LYPLA1: variants seen among roughly 807,000 people sequenced by gnomAD.
The protein encoded by LYPLA1 is acyl-protein thioesterase 1.
LYPLA1 carries 17 observed loss-of-function variants against 34.0 expected under a neutral mutation model. The observed-to-expected ratio is 0.50, with a 90% CI of 0.34 to 0.75. The LOEUF is 0.75. Ranked by LOEUF, LYPLA1 falls within the 30% of genes least tolerant of loss-of-function variation. The pLI is 0.01. For missense variants in LYPLA1, 203 were observed against 288.8 expected, an observed-to-expected ratio of 0.70 and a Z score of 2.15; for synonymous variants, 98 against 100.8, an observed-to-expected ratio of 0.97 and a Z score of 0.17.
intron 2 of LYPLA1, among the ~76,000 whole-genome samples, chr8:54,095,059 C>G (rs1809580787): frequency 6.6e-6 from 1 of 150,762 alleles, no homozygotes; most frequent in African/African-American, 2.4e-5. Context: ...GAGACTGAGT[C>G]TCACTGTCGC....
chr8:54,070,870 TG>T (rs1807408814), intron 2 of LYPLA1, among the ~76,000 whole-genome samples: 1 of 152,090 alleles, frequency 6.6e-6, no homozygotes, highest in African/African-American at 2.4e-5. Flanking sequence ...AGAACACAAA[TG>T]AAAGAGTATA....
At chr8:54,084,142 A>ATT (rs1808526197) in intron 2 of LYPLA1, among the ~76,000 whole-genome samples, 10 of 93,874 alleles carry the variant, frequency 1.1e-4, no homozygotes, top group African/African-American at 4.2e-4. Context: ...AAATAAATAA[A>ATT]TATATATATA....
intron 2 of LYPLA1, among the ~76,000 whole-genome samples, chr8:54,083,635 G>A (rs1306796571): frequency 6.6e-6 from 1 of 152,192 alleles, no homozygotes; most frequent in African/African-American, 2.4e-5. Context: ...TAGACAACAT[G>A]TAAACAAAAG....
In LYPLA1 at chr8:54,052,397, G is replaced by GTGTC. The variant is rs528510944; in HGVS notation, c.462+254_462+257dup. ...AAGTGGAGGACTTGGTGATGGTGAT[G>GTGTC]TGTCAGTGCAGCATTACTGACTGCA... On this transcript the variant is annotated intron_variant, in intron 7 of 8. Transcript: ENST00000316963. Among the ~76,000 whole-genome samples, 1,304 of 152,230 alleles carry GTGTC rather than the reference G, an allele frequency of 8.6e-3. 8 individuals carry two copies. The highest frequency in any genetic ancestry group is 0.012 in the Non-Finnish European group (825 of 68,016).
intron 8 of LYPLA1, among the ~76,000 whole-genome samples, chr8:54,049,573 C>T (rs1805704938): frequency 6.6e-6 from 1 of 152,128 alleles, no homozygotes; most frequent in African/African-American, 2.4e-5. Flanking sequence ...CTGTCCTCTT[C>T]TATCTTGATT....
chr8:54,078,881 C>G (rs1359534084), intron 2 of LYPLA1, among the ~76,000 whole-genome samples: 4 of 144,136 alleles, frequency 2.8e-5, no homozygotes, highest in Admixed American at 2.7e-4. Context: ...TTCAACAACC[C>G]CCCCCCTTTT....
chr8:54,069,104 CCAATGATACAT>C (rs1345501672), intron 2 of LYPLA1, among the ~76,000 whole-genome samples: 1 of 152,088 alleles, frequency 6.6e-6, no homozygotes, highest in African/African-American at 2.4e-5. Context: ...AATCAAAGCC[CCAATGATACAT>C]CACTTCATAC....
chr8:54,078,062 T>C (rs1808037169), intron 2 of LYPLA1, among the ~76,000 whole-genome samples: 1 of 152,128 alleles, frequency 6.6e-6, no homozygotes, highest in African/African-American at 2.4e-5. Context: ...GCAATTCTCG[T>C]GCCTTAGCCT....
chr8:54,075,228 CAAA>C (rs1807798912), intron 2 of LYPLA1, among the ~76,000 whole-genome samples: 1 of 152,276 alleles, frequency 6.6e-6, no homozygotes, highest in East Asian at 1.9e-4. Context: ...AAACCAGCTG[CAAA>C]GACAGAAGCA....
intron 2 of LYPLA1, among the ~76,000 whole-genome samples, chr8:54,095,931 C>G (rs978313228): frequency 6.6e-6 from 1 of 152,004 alleles, no homozygotes; most frequent in Admixed American, 6.6e-5. Context: ...ATAAAGAAAA[C>G]TAAAGAGAAA....
At chr8:54,071,265 A>G (rs982789680) in intron 2 of LYPLA1, among the ~76,000 whole-genome samples, 2 of 152,228 alleles carry the variant, frequency 1.3e-5, no homozygotes. Context: ...AAACGGACAC[A>G]GCTGAGAAAG....
Position 54,065,733 on chromosome 8 carries a change from A to T in LYPLA1, c.167+15T>A. On this transcript the variant is annotated intron_variant, in intron 3 of 8. Coordinates refer to ENST00000316963, the MANE Select transcript of LYPLA1 (RefSeq NM_006330.4). ...CAGACTCTGAATCACAAGCCTGAAGATCAGAAATACTCACGCATGCGGGCA... is the reference window on the plus strand; with the variant it reads ...CAGACTCTGAATCACAAGCCTGAAGTTCAGAAATACTCACGCATGCGGGCA... 6.2e-7 allele frequency: 1 copy of T among 1,609,832 alleles called. No homozygotes were observed. Among genetic ancestry groups the T allele is most frequent in the Non-Finnish European group, 8.5e-7 (1 of 1,176,622 alleles).
In LYPLA1 at chr8:54,081,265, TTATTAA is replaced by T. The variant is rs1808297202; in HGVS notation, c.102-15458_102-15453del. On this transcript the variant is annotated intron_variant, in intron 2 of 8. Transcript: ENST00000316963. ...TGTGCTCAAAATTGTAATTCAATAATTATTAATATTATTTATTTATATTTTGTGCTA... is the reference window on the plus strand; with the variant it reads ...TGTGCTCAAAATTGTAATTCAATAATTATTATTTATTTATATTTTGTGCTA... 2.6e-5 allele frequency among the ~76,000 whole-genome samples: 4 copies of T among 152,068 alleles called. No individual in the cohort carries two copies. In the South Asian group the frequency reaches 6.2e-4, roughly 24 times the overall value.
At chr8:54,071,678 G>A (rs1295415400) in intron 2 of LYPLA1, among the ~76,000 whole-genome samples, 1 of 152,118 alleles carries the variant, frequency 6.6e-6, no homozygotes, top group East Asian at 1.9e-4. Context: ...CAGCTAACCA[G>A]GGAGGTGAAA....
chr8:54,062,183 C>T (rs181160894), intron 5 of LYPLA1, 71 bp downstream of exon 5: 22 of 1,082,388 alleles, frequency 2.0e-5, no homozygotes, highest in African/African-American at 9.5e-5. Flanking sequence ...TAACCAGTAG[C>T]GATATGATTA....
chr8:54,092,723 T>C (rs554601223), intron 2 of LYPLA1, among the ~76,000 whole-genome samples: 1 of 152,328 alleles, frequency 6.6e-6, no homozygotes, highest in South Asian at 2.1e-4. Context: ...GGCTCACACC[T>C]GTAATGCCAG....
At chr8:54,075,772 A>T (rs775363360) in intron 2 of LYPLA1, among the ~76,000 whole-genome samples, 49 of 152,322 alleles carry the variant, frequency 3.2e-4, no homozygotes, top group Non-Finnish European at 1.6e-4. Context: ...TACCATAATA[A>T]ATCTGCTCCT....
At chr8:54,084,133 AATAAAT>A (rs1201677441) in intron 2 of LYPLA1, among the ~76,000 whole-genome samples, 22 of 120,406 alleles carry the variant, frequency 1.8e-4, no homozygotes, top group African/African-American at 9.7e-4. Flanking sequence ...AGAAAAAAAA[AATAAAT>A]AAATATATAT....
intron 2 of LYPLA1, among the ~76,000 whole-genome samples, chr8:54,078,653 A>C (rs1237603616): frequency 6.6e-6 from 1 of 152,172 alleles, no homozygotes; most frequent in African/African-American, 2.4e-5. Flanking sequence ...CTGCTGATCT[A>C]GACTTGTGAC....
Sources: gnomAD v4.1 joint callset for allele counts (sites outside exome capture counted in the v4.1 genomes callset) on GRCh38, gnomAD v4.1.1 for gene constraint, MANE v1.5 for transcripts, NCBI Gene and HGNC (gene_info 2026-07-23, HGNC 2026-07-21) for gene names.